CALB2: variants seen among roughly 807,000 people sequenced by gnomAD.
CALB2 encodes the protein calbindin 2.
A neutral mutation model predicts 45.9 loss-of-function variants in CALB2; 34 were observed. The observed-to-expected ratio is 0.74, with a 90% CI of 0.56 to 0.99. The LOEUF is 0.99. Ranked by LOEUF, CALB2 falls within the 50% of genes least tolerant of loss-of-function variation. The pLI is 0.00. For missense variants in CALB2, 344 were observed against 339.3 expected, an observed-to-expected ratio of 1.01 and a Z score of -0.11; for synonymous variants, 142 against 129.6, an observed-to-expected ratio of 1.10 and a Z score of -0.65.
chr16:71,371,184 AG>A (rs1232726909), intron 1 of CALB2, among the ~76,000 whole-genome samples: 1 of 152,210 alleles, frequency 6.6e-6, no homozygotes, highest in Non-Finnish European at 1.5e-5. Flanking sequence ...TAAGCACAGC[AG>A]AACCAGTCTT....
intron 1 of CALB2, among the ~76,000 whole-genome samples, chr16:71,363,178 C>CG (rs2042251068): frequency 6.6e-6 from 1 of 152,160 alleles, no homozygotes; most frequent in Non-Finnish European, 1.5e-5. Flanking sequence ...GAGCCAGACC[C>CG]TATCTTTAAA....
At chr16:71,375,256 T>TAC (rs1395005183) in intron 3 of CALB2, among the ~76,000 whole-genome samples, 1 of 152,256 alleles carries the variant, frequency 6.6e-6, no homozygotes, top group Non-Finnish European at 1.5e-5. Flanking sequence ...TACATATATA[T>TAC]ACATAATTTG....
rs552869760 is a variant in CALB2, at chr16:71,384,569, TA to T, written c.573+192del. 7.1e-3 allele frequency among the ~76,000 whole-genome samples: 603 copies of T among 85,274 alleles called. 4 individuals are homozygous for T. The highest frequency in any genetic ancestry group is 0.028 in the African/African-American group (576 of 20,572). 55.9% of individuals were successfully genotyped at this position (85,274 alleles called of 152,430 possible). On this transcript the variant is annotated intron_variant, in intron 8 of 10. Coordinates refer to ENST00000302628, the MANE Select transcript of CALB2 (RefSeq NM_001740.5). ...ACACACACAGACCACACACACCACATACACAACACACGCAGACCACACACAC... is the reference window on the plus strand; with the variant it reads ...ACACACACAGACCACACACACCACATCACAACACACGCAGACCACACACAC...
chr16:71,380,176 G>C (rs1010996594), intron 4 of CALB2, among the ~76,000 whole-genome samples: 1 of 151,624 alleles, frequency 6.6e-6, no homozygotes, highest in Non-Finnish European at 1.5e-5. Context: ...GATGCTTACA[G>C]AGGAGCTAAA....
chr16:71,376,562 C>T (rs1293620063), intron 3 of CALB2, among the ~76,000 whole-genome samples: 2 of 152,146 alleles, frequency 1.3e-5, no homozygotes, highest in Non-Finnish European at 1.5e-5. Flanking sequence ...CACACACCCA[C>T]ATACATCTAC....
At chr16:71,372,046 G>T in intron 1 of CALB2, 107 bp from the exon 2 acceptor site, 1 of 821,254 alleles carries the variant, frequency 1.2e-6, no homozygotes, top group Non-Finnish European at 2.1e-6. Context: ...ACACCTGCCT[G>T]TTGGCCAGCT....
rs542857916 is a variant in CALB2, at chr16:71,359,047, C to T, written c.94+161C>T. ...AGTGGTCCCGGGTTTGGGAGACATC[C>T]GGCTGCTCTGGGCACAACTGTCAGT... On this transcript the variant is annotated intron_variant, in intron 1 of 10. Coordinates refer to ENST00000302628, the MANE Select transcript of CALB2 (RefSeq NM_001740.5). Among the ~76,000 whole-genome samples, 5 of 152,270 alleles carry T rather than the reference C, an allele frequency of 3.3e-5. No individual in the cohort carries two copies. In the East Asian group the frequency reaches 7.8e-4, roughly 24 times the overall value.
chr16:71,365,330 G>C (rs890165450), intron 1 of CALB2, among the ~76,000 whole-genome samples: 8 of 152,296 alleles, frequency 5.3e-5, no homozygotes, highest in Middle Eastern at 3.4e-3. Context: ...TGGACTGCGA[G>C]TGCTACACAG....
intron 1 of CALB2, 53 bp from the exon 2 acceptor site, chr16:71,372,078 AGCCCCCGACATGCCCACCCCGT>A (rs2042357418): frequency 3.1e-5 from 30 of 981,108 alleles, no homozygotes; most frequent in Non-Finnish European, 4.6e-5. Flanking sequence ...TTCTCCACGA[AGCCCCCGACATGCCCACCCCGT>A]GCCCCCCTTA....
chr16:71,386,815 T>C (rs916560876), intron 10 of CALB2, among the ~76,000 whole-genome samples: 2 of 152,246 alleles, frequency 1.3e-5, no homozygotes, highest in Admixed American at 6.5e-5. Context: ...CATCTCCCTT[T>C]CCAAGTGCTT....
At chr16:71,383,035 A>G (rs2042518579) in intron 5 of CALB2, among the ~76,000 whole-genome samples, 1 of 152,084 alleles carries the variant, frequency 6.6e-6, no homozygotes, top group Non-Finnish European at 1.5e-5. Context: ...ATTCCAGAAG[A>G]TTGGCCTCTG....
chr16:71,366,022 C>CTTTTTTTTTTTT (rs1447467571), intron 1 of CALB2, among the ~76,000 whole-genome samples: 778 of 50,338 alleles, frequency 0.015, 126 homozygotes, highest in Non-Finnish European at 0.02. Context: ...CCCTCTCTCT[C>CTTTTTTTTTTTT]TCTTTTTTTT....
chr16:71,369,763 A>G (rs2042326321), intron 1 of CALB2, among the ~76,000 whole-genome samples: 1 of 82,574 alleles, frequency 1.2e-5, no homozygotes, highest in Non-Finnish European at 2.4e-5. Flanking sequence ...TCCCCGTCTG[A>G]CTCTACAAAG....
At chr16:71,360,674 C>G (rs749581238) in intron 1 of CALB2, among the ~76,000 whole-genome samples, 37 of 152,206 alleles carry the variant, frequency 2.4e-4, no homozygotes, top group Non-Finnish European at 4.7e-4. Flanking sequence ...CTCAGAGGGA[C>G]AAGCAAGAGC....
intron 4 of CALB2, among the ~76,000 whole-genome samples, chr16:71,382,430 C>T (rs1415483326): frequency 7.9e-5 from 12 of 152,210 alleles, no homozygotes; most frequent in Non-Finnish European, 1.5e-5. Context: ...AACTTAGCAG[C>T]CTGAAGCAAC....
Position 71,372,157 on chromosome 16 carries a change from TG to T in CALB2, c.102del (p.Tyr35IlefsTer7). 6.2e-7 allele frequency: 1 copy of T among 1,602,788 alleles called. No individual in the cohort carries two copies. The highest frequency in any genetic ancestry group is 8.5e-7 in the Non-Finnish European group (1 of 1,171,330). On this transcript the variant is annotated frameshift_variant, in exon 2 of 11. Coordinates refer to ENST00000302628, the MANE Select transcript of CALB2 (RefSeq NM_001740.5). LOFTEE classifies it high-confidence loss of function. ...IWKHFDADGNGYIEGKELENF... is the reference protein window; with the variant it reads ...IWKHFDADGNXYIEGKELENF... ...TTTTTCTCTCTCTTTTTACAGGAAA[TG>T]GGTATATTGAAGGTAAAGAGCTAGA...
intron 1 of CALB2, among the ~76,000 whole-genome samples, chr16:71,371,413 CA>C (rs1252070397): frequency 6.6e-6 from 1 of 152,168 alleles, no homozygotes; most frequent in East Asian, 1.9e-4. Context: ...TGACTTAACA[CA>C]ACAGAAATGT....
At chr16:71,364,298 G>C (rs1440207149) in intron 1 of CALB2, among the ~76,000 whole-genome samples, 1 of 146,726 alleles carries the variant, frequency 6.8e-6, no homozygotes, top group African/African-American at 2.8e-5. Context: ...TGACAGCCAG[G>C]CCGGCTGTCC....
chr16:71,372,051 C>A, intron 1 of CALB2, 102 bp from the exon 2 acceptor site: 1 of 848,596 alleles, frequency 1.2e-6, no homozygotes, highest in South Asian at 1.4e-5. Context: ...TGCCTGTTGG[C>A]CAGCTGGGAG....
Sources: allele counts gnomAD v4.1 joint callset (sites outside exome capture counted in the v4.1 genomes callset), GRCh38; gene constraint gnomAD v4.1.1; transcripts MANE v1.5; gene names NCBI Gene and HGNC (gene_info 2026-07-23, HGNC 2026-07-21).